Variants in BRINP3 observed in about 807,000 individuals in gnomAD.
BRINP3 encodes the protein BMP/retinoic acid-inducible neural-specific protein 3.
BRINP3 carries 19 observed loss-of-function variants against 71.0 expected under a neutral mutation model. The ratio of observed to expected loss-of-function variants is 0.27; its 90% CI spans 0.19 to 0.39. BRINP3 has a LOEUF of 0.39. Among genes scored for constraint, BRINP3 ranks in the 10% least tolerant of loss-of-function variants. BRINP3 has a pLI of 1.00. For synonymous variants in BRINP3, 380 were observed against 337.7 expected (o/e 1.13, Z -1.37); for missense variants, 959 against 940.8 (o/e 1.02, Z -0.25).
intron 2 of BRINP3, among the ~76,000 whole-genome samples, chr1:190,293,121 G>T (rs1663993252): frequency 6.6e-6 from 1 of 151,848 alleles, no homozygotes; most frequent in Admixed American, 6.6e-5. Flanking sequence ...GCATCATTAA[G>T]TTTTTATGTG....
At chr1:190,173,569 G>A (rs1558034442) in intron 6 of BRINP3, among the ~76,000 whole-genome samples, 1 of 152,124 alleles carries the variant, frequency 6.6e-6, no homozygotes, top group Admixed American at 6.5e-5. Flanking sequence ...GAAATAAAGA[G>A]CAAGAATGGA....
intron 3 of BRINP3, among the ~76,000 whole-genome samples, chr1:190,265,629 G>C (rs1661594374): frequency 6.6e-6 from 1 of 150,966 alleles, no homozygotes; most frequent in Non-Finnish European, 1.5e-5. Context: ...CAGAAGAATG[G>C]CGTGAACCCG....
intron 6 of BRINP3, among the ~76,000 whole-genome samples, chr1:190,211,245 G>A (rs1350028749): frequency 6.6e-6 from 1 of 152,074 alleles, no homozygotes; most frequent in African/African-American, 2.4e-5. Context: ...CATCCTGGGT[G>A]ACAGAGCAAG....
intron 2 of BRINP3, among the ~76,000 whole-genome samples, chr1:190,360,180 G>A (rs1186246179): frequency 6.6e-6 from 1 of 152,164 alleles, no homozygotes; most frequent in East Asian, 1.9e-4. Flanking sequence ...GTAATCGATG[G>A]TGGTTATTCA....
chr1:190,408,203 ATTT>A (rs55768635), intron 2 of BRINP3, among the ~76,000 whole-genome samples: 3 of 141,372 alleles, frequency 2.1e-5, no homozygotes, highest in Non-Finnish European at 3.0e-5. Flanking sequence ...TTATTTATTT[ATTT>A]TTTTTTTTTT....
chr1:190,213,830 T>A (rs1656187436), intron 6 of BRINP3, among the ~76,000 whole-genome samples: 1 of 151,998 alleles, frequency 6.6e-6, no homozygotes, highest in African/African-American at 2.4e-5. Flanking sequence ...AGACTGTGGG[T>A]GTGGCTATTG....
chr1:190,147,968 G>C (rs1656038622), intron 7 of BRINP3, among the ~76,000 whole-genome samples: 1 of 152,122 alleles, frequency 6.6e-6, no homozygotes, highest in African/African-American at 2.4e-5. Context: ...AGATGAGCAC[G>C]CTATTGTGCA....
chr1:190,264,080 T>A (rs143044058), intron 4 of BRINP3, among the ~76,000 whole-genome samples: 1 of 152,208 alleles, frequency 6.6e-6, no homozygotes, highest in Non-Finnish European at 1.5e-5. Context: ...TGACTGTTAA[T>A]TTTACAATGG....
Position 190,420,949 on chromosome 1 carries a change from T to C in BRINP3, c.236+33706A>G, listed in dbSNP as rs565303028. Among the ~76,000 whole-genome samples the C allele has an allele frequency of 7.9e-5, 12 of 151,940 alleles. No homozygotes were observed. In the East Asian group the frequency reaches 1.9e-3, roughly 24 times the overall value. ...CAGAACAAGCTTGTTGGGTGAAAAC[T>C]CTTGAGTCCAGAGGTATCAGTTTCT... is the stretch of plus-strand genomic sequence containing the variant. On this transcript the variant is annotated intron_variant, in intron 2 of 7. Transcript: ENST00000367462.
At chr1:190,246,005 G>T (rs1321571422) in intron 4 of BRINP3, among the ~76,000 whole-genome samples, 1 of 151,720 alleles carries the variant, frequency 6.6e-6, no homozygotes, top group Non-Finnish European at 1.5e-5. Flanking sequence ...GTTTATCATT[G>T]TTCGACATTT....
At chr1:190,114,237 G>A (rs974932476) in intron 7 of BRINP3, among the ~76,000 whole-genome samples, 5 of 152,096 alleles carry the variant, frequency 3.3e-5, no homozygotes, top group African/African-American at 9.7e-5. Flanking sequence ...CTTCTGCCAC[G>A]ATTGTGAGCT....
At chr1:190,226,474 G>C (rs1219196062) in intron 5 of BRINP3, among the ~76,000 whole-genome samples, 156 bp from the exon 6 acceptor site, 2 of 151,808 alleles carry the variant, frequency 1.3e-5, no homozygotes, top group Non-Finnish European at 2.9e-5. Context: ...AAGTCTATAT[G>C]CTGCAAATAT....
chr1:190,473,927 G>A (rs962904590), intron 1 of BRINP3, among the ~76,000 whole-genome samples: 2 of 151,110 alleles, frequency 1.3e-5, no homozygotes, highest in African/African-American at 2.4e-5. Context: ...TTTTCTTAAG[G>A]TGGAGAAAAT....
intron 2 of BRINP3, among the ~76,000 whole-genome samples, chr1:190,308,155 G>T (rs1665249249): frequency 6.6e-6 from 1 of 151,802 alleles, no homozygotes; most frequent in Non-Finnish European, 1.5e-5. Flanking sequence ...CTATTTAAGG[G>T]CAACGTAGAC....
At chr1:190,420,736 T>G (rs1572005880) in intron 2 of BRINP3, among the ~76,000 whole-genome samples, 1 of 152,058 alleles carries the variant, frequency 6.6e-6, no homozygotes, top group African/African-American at 2.4e-5. Context: ...ACTTGAAAAT[T>G]GAAGCATCAC....
intron 2 of BRINP3, among the ~76,000 whole-genome samples, chr1:190,405,798 G>A (rs577045006): frequency 2.6e-4 from 39 of 152,234 alleles, no homozygotes; most frequent in African/African-American, 8.7e-4. Context: ...CCTTTACCAC[G>A]CCAGACATGC....
At chr1:190,416,590 T>C (rs1287291550) in intron 2 of BRINP3, among the ~76,000 whole-genome samples, 1 of 152,168 alleles carries the variant, frequency 6.6e-6, no homozygotes, top group Non-Finnish European at 1.5e-5. Flanking sequence ...CAGACTTTCA[T>C]AACAACCTAT....
intron 6 of BRINP3, among the ~76,000 whole-genome samples, chr1:190,174,191 G>A (rs994021738): frequency 2.0e-5 from 3 of 152,130 alleles, no homozygotes; most frequent in Non-Finnish European, 2.9e-5. Flanking sequence ...AAGTAAATAA[G>A]AGTAGCTCTG....
intron 1 of BRINP3, among the ~76,000 whole-genome samples, chr1:190,460,968 G>T (rs552495440): frequency 5.9e-5 from 9 of 152,072 alleles, no homozygotes; most frequent in Admixed American, 1.3e-4. Context: ...CCTCTAAAAT[G>T]TATTACTGCA....
Sources: gnomAD v4.1 joint callset for allele counts (sites outside exome capture counted in the v4.1 genomes callset) on GRCh38, gnomAD v4.1.1 for gene constraint, MANE v1.5 for transcripts, NCBI Gene and HGNC (gene_info 2026-07-23, HGNC 2026-07-21) for gene names.